FOXRED2: variants seen among roughly 807,000 people sequenced by gnomAD.
FOXRED2 encodes FAD dependent oxidoreductase domain containing 2.
In FOXRED2, 32 loss-of-function variants were observed where a neutral mutation model predicts 52.5. The observed-to-expected ratio is 0.61, with a 90% confidence interval of 0.46 to 0.82. The LOEUF is 0.82. Among genes scored for constraint, FOXRED2 ranks in the 40% least tolerant of loss-of-function variants. The pLI is 0.00. For synonymous variants in FOXRED2, 405 were observed against 398.1 expected (o/e 1.02, Z -0.21); for missense variants, 848 against 937.5 (o/e 0.90, Z 1.25).
In FOXRED2 at chr22:36,496,146, G is replaced by A; in HGVS notation, c.1445C>T (p.Thr482Ile). ...GTGCTTTGCCTTCCTCCCTGTGAGT[G>A]TCTCCAGCTGGGCCAGCATCTGTAT... ...FPIQMLAQLE[T>I]LTGRKAKHGL... is the part of the protein sequence containing the mutation. Residue 482 changes from threonine (T) to isoleucine (I), a missense_variant, in exon 7 of 9, where the codon ACA becomes ATA. Coordinates refer to ENST00000397224, the MANE Select transcript of FOXRED2 (RefSeq NM_001102371.2). The A allele has an allele frequency of 6.2e-7, 1 of 1,614,176 alleles. No individual in the cohort carries two copies.
At chr22:36,502,492 T>G (rs1179667712) in intron 4 of FOXRED2, among the ~76,000 whole-genome samples, 1 of 152,222 alleles carries the variant, frequency 6.6e-6, no homozygotes, top group Middle Eastern at 3.2e-3. Flanking sequence ...TTTTAAGAGA[T>G]AGGGTCTCAT....
chr22:36,500,237 A>G (rs575918949), intron 5 of FOXRED2, among the ~76,000 whole-genome samples: 1 of 152,262 alleles, frequency 6.6e-6, no homozygotes, highest in Admixed American at 6.5e-5. Flanking sequence ...TGGTGAGAAA[A>G]TCACCAAAAC....
chr22:36,506,657 G>C, intron 1 of FOXRED2: 1 of 456,142 alleles, frequency 2.2e-6, no homozygotes. Context: ...CTTCCTCAGG[G>C]GCACCGGCTC....
chr22:36,506,117 C>T lies in FOXRED2; in HGVS notation c.306G>A (p.Leu102=). ...AGAGCAGCCGGGGGTCGTGGCTGAG[C>T]AGAGAGTTCCAGTCGTGGCGGAGGT... ...EFNLRHDWNS[L]LSHDPRLLFR... is the part of the protein sequence containing the mutation. Residue 102 remains leucine (L), a synonymous_variant, in exon 2 of 9, where the codon CTG becomes CTA. Transcript: ENST00000397224. 1.2e-6 allele frequency: 2 copies of T among 1,614,250 alleles called. No individual in the cohort carries two copies. Among genetic ancestry groups the T allele is most frequent in the South Asian group, 1.1e-5 (1 of 91,090 alleles).
At position 36,498,072 on chromosome 22, in the gene FOXRED2, C is replaced by G; in HGVS notation, c.1301G>C (p.Ser434Thr). ...ATELPITQLT[S>T]SIVRRVNEAS... ...CTCATTCACGCGCCGCACGATGGAG[C>G]TGGTCAGCTGTGTGATGGGGAGCTC... The change falls in exon 6 of 9, where the codon AGC becomes ACC. Residue 434 changes from serine to threonine, a missense_variant. Transcript: ENST00000397224. 6.2e-7 allele frequency: 1 copy of G among 1,614,026 alleles called. No homozygotes were observed. Among genetic ancestry groups the G allele is most frequent in the South Asian group, 1.1e-5 (1 of 91,080 alleles).
chr22:36,505,102 G>A (rs1934158968), intron 2 of FOXRED2, among the ~76,000 whole-genome samples: 1 of 152,186 alleles, frequency 6.6e-6, no homozygotes, highest in Admixed American at 6.5e-5. Flanking sequence ...GACCAGGTAT[G>A]ACTGCTGGTG....
intron 4 of FOXRED2, 119 bp downstream of exon 4, chr22:36,503,979 T>A: frequency 9.0e-7 from 1 of 1,111,282 alleles, no homozygotes. Flanking sequence ...CTCACATCCA[T>A]TCTTTGGGTG....
At chr22:36,494,933 G>A (rs1191605742) in intron 7 of FOXRED2, among the ~76,000 whole-genome samples, 1 of 151,094 alleles carries the variant, frequency 6.6e-6, no homozygotes. Context: ...GACCGCGCCC[G>A]GCCTTTTTGT....
intron 8 of FOXRED2, among the ~76,000 whole-genome samples, chr22:36,492,705 TG>T (rs1466525815): frequency 6.6e-6 from 1 of 152,118 alleles, no homozygotes; most frequent in Admixed American, 6.5e-5. Flanking sequence ...TTAGTAGAAA[TG>T]GGGTTTCACC....
chr22:36,497,326 C>T lies in FOXRED2; in HGVS notation c.1382+665G>A, dbSNP rs375140989. 2.5e-4 allele frequency among the ~76,000 whole-genome samples: 38 copies of T among 151,892 alleles called. No homozygotes were observed. The East Asian group carries it at 3.1e-3, about 12-fold the overall frequency. On this transcript the variant is annotated intron_variant, in intron 6 of 8. Transcript: ENST00000397224. ...CTGCACTCCAGCCTGGATGACAGAG[C>T]GAGACTGTCTCAAGAAAAAAAAAAG...
rs774969899 is a variant in FOXRED2, at chr22:36,496,117, G to T, written c.1474C>A (p.Leu492Ile). ...CCATATTCCATGTTGATGACGAAGA[G>T]CCCGTGCTTTGCCTTCCTCCCTGTG... Reference protein sequence around the residue: ...TLTGRKAKHGLFVINMEYGRN... With the variant: ...TLTGRKAKHGIFVINMEYGRN... The change falls in exon 7 of 9, where the codon CTC (leucine) becomes ATC (isoleucine). Residue 492 changes from leucine (L) to isoleucine (I), a missense_variant. Physicochemically the swap from Leu to Ile is conservative, Grantham distance 5. Transcript: ENST00000397224. The T allele has an allele frequency of 3.1e-6, 5 of 1,614,208 alleles. No individual in the cohort carries two copies. In the South Asian group the frequency reaches 4.4e-5, roughly 14 times the overall value.
intron 4 of FOXRED2, 99 bp from the exon 5 acceptor site, chr22:36,501,506 GT>G: frequency 8.1e-7 from 1 of 1,227,136 alleles, no homozygotes; most frequent in Non-Finnish European, 1.2e-6. Flanking sequence ...TGTCGCCCAG[GT>G]TAGAGTACAA....
chr22:36,503,312 CTTT>C (rs984268879), intron 4 of FOXRED2, among the ~76,000 whole-genome samples: 8 of 149,400 alleles, frequency 5.4e-5, no homozygotes, highest in African/African-American at 2.0e-4. Context: ...ACACATTCTT[CTTT>C]CTTTTTTTTT....
At chr22:36,502,184 CA>C (rs1277303861) in intron 4 of FOXRED2, among the ~76,000 whole-genome samples, 1 of 150,310 alleles carries the variant, frequency 6.7e-6, no homozygotes, top group African/African-American at 2.5e-5. Context: ...AACAAACAAA[CA>C]AACAAACAAT....
intron 7 of FOXRED2, among the ~76,000 whole-genome samples, chr22:36,495,004 G>T (rs1603493543): frequency 6.6e-6 from 1 of 152,002 alleles, no homozygotes; most frequent in Non-Finnish European, 1.5e-5. Flanking sequence ...GAGTGCAGTG[G>T]TACAATCTCG....
chr22:36,495,337 A>G (rs1933868579), intron 7 of FOXRED2, among the ~76,000 whole-genome samples: 1 of 152,122 alleles, frequency 6.6e-6, no homozygotes, highest in African/African-American at 2.4e-5. Context: ...CTTTGGGAAC[A>G]ACCCCTGTTT....
At position 36,506,084 on chromosome 22, in the gene FOXRED2, G is replaced by C; in HGVS notation, c.339C>G (p.His113Gln). ...CGTCGGGGAAGTAGGCACGCGAGTAGTGTCTGAAGAGCAGCCGGGGGTCGT... is the reference window on the plus strand; with the variant it reads ...CGTCGGGGAAGTAGGCACGCGAGTACTGTCTGAAGAGCAGCCGGGGGTCGT... Reference protein sequence around the residue: ...LSHDPRLLFRHYSRAYFPDAR... With the variant: ...LSHDPRLLFRQYSRAYFPDAR... Residue 113 changes from histidine (H) to glutamine (Q), a missense_variant, in exon 2 of 9, where the codon CAC becomes CAG. By Grantham distance (24) the His-to-Gln change is conservative. Transcript: ENST00000397224. The C allele has an allele frequency of 6.2e-7, 1 of 1,614,272 alleles. No homozygotes were observed. Among genetic ancestry groups the C allele is most frequent in the Non-Finnish European group, 8.5e-7 (1 of 1,180,046 alleles).
In FOXRED2 at chr22:36,505,714, T is replaced by C. The variant is rs1934171768; in HGVS notation, c.527+182A>G. Among the ~76,000 whole-genome samples the C allele has an allele frequency of 2.6e-5, 4 of 151,742 alleles. No homozygotes were observed. The South Asian group carries it at 8.3e-4, about 32-fold the overall frequency. ...TGAACTAGAGAGGCGGAGGTTGCAG[T>C]GAGCTGACCTCGTGCCATTGCACTC... is the stretch of plus-strand genomic sequence containing the variant. On this transcript the variant is annotated intron_variant, in intron 2 of 8. Transcript: ENST00000397224.
intron 7 of FOXRED2, among the ~76,000 whole-genome samples, chr22:36,495,579 A>T (rs974232232): frequency 2.6e-5 from 4 of 152,234 alleles, no homozygotes; most frequent in African/African-American, 9.6e-5. Flanking sequence ...TCACACAGTG[A>T]CAAAATGACA....
Sources: allele counts gnomAD v4.1 joint callset (sites outside exome capture counted in the v4.1 genomes callset), GRCh38; gene constraint gnomAD v4.1.1; transcripts MANE v1.5; gene names NCBI Gene and HGNC (gene_info 2026-07-23, HGNC 2026-07-21).